STK3: variants seen among roughly 807,000 people sequenced by gnomAD.
The protein encoded by STK3 is serine/threonine-protein kinase 3.
In STK3, 41 loss-of-function variants were observed where a neutral mutation model predicts 58.0. That is an observed-to-expected ratio of 0.71 (90% confidence interval 0.55 to 0.92). The LOEUF (loss-of-function observed/expected upper bound fraction) is 0.92, where lower values mean the gene tolerates loss of function less well. STK3 is among the 40% of genes least tolerant of loss of function. The pLI is 0.00. For missense variants in STK3, 479 were observed against 602.7 expected, an observed-to-expected ratio of 0.79 and a Z score of 2.15; for synonymous variants, 170 against 191.0, an observed-to-expected ratio of 0.89 and a Z score of 0.91.
At chr8:98,459,899 A>G (rs929139845) in intron 10 of STK3, among the ~76,000 whole-genome samples, 2 of 152,208 alleles carry the variant, frequency 1.3e-5, no homozygotes, top group Non-Finnish European at 2.9e-5. Flanking sequence ...TTGCTGCAGG[A>G]GCAGAGCCCT....
intron 3 of STK3, among the ~76,000 whole-genome samples, chr8:98,412,690 A>G (rs1421250435): frequency 2.0e-5 from 3 of 152,170 alleles, no homozygotes; most frequent in Non-Finnish European, 2.9e-5. Context: ...CCGATTTGCA[A>G]TCTCAAGAGA....
At chr8:98,595,860 G>C (rs1408346225) in intron 7 of STK3, 172 bp downstream of exon 7, 11 of 598,938 alleles carry the variant, frequency 1.8e-5, no homozygotes, top group Non-Finnish European at 2.4e-5. Flanking sequence ...AAATGACTCT[G>C]GGGGAAATGA....
At chr8:98,553,614 T>C (rs1484428016) in intron 8 of STK3, among the ~76,000 whole-genome samples, 1 of 152,188 alleles carries the variant, frequency 6.6e-6, no homozygotes, top group East Asian at 1.9e-4. Context: ...TGATCATTTA[T>C]TTAATAATGA....
chr8:98,454,013 T>C (rs1211687177), downstream of STK3, among the ~76,000 whole-genome samples: 1 of 152,250 alleles, frequency 6.6e-6, no homozygotes, highest in African/African-American at 2.4e-5. Flanking sequence ...GTATGTTTCA[T>C]ACTTATCGTT....
intron 9 of STK3, among the ~76,000 whole-genome samples, chr8:98,530,503 C>T (rs559800326): frequency 4.6e-5 from 7 of 152,210 alleles, no homozygotes; most frequent in South Asian, 4.2e-4. Context: ...AAAAAAAGAC[C>T]GAGGCAACAG....
intron 6 of STK3, among the ~76,000 whole-genome samples, chr8:98,664,920 A>T (rs573444123): frequency 6.6e-6 from 1 of 151,966 alleles, no homozygotes; most frequent in Non-Finnish European, 1.5e-5. Context: ...AAAAAAAAGT[A>T]TCTAGGTATA....
At chr8:98,873,805 G>A (rs888962419) in intron 3 of STK3, among the ~76,000 whole-genome samples, 5 of 152,082 alleles carry the variant, frequency 3.3e-5, no homozygotes, top group Non-Finnish European at 5.9e-5. Flanking sequence ...CAGTTTGCCA[G>A]TCTGTGTCTT....
intron 6 of STK3, among the ~76,000 whole-genome samples, chr8:98,672,280 G>T (rs907988541): frequency 6.6e-6 from 1 of 151,742 alleles, no homozygotes; most frequent in Non-Finnish European, 1.5e-5. Flanking sequence ...GGGGTTAGGG[G>T]GTGTGATTGG....
chr8:98,522,775 T>C (rs1586769711), intron 10 of STK3, among the ~76,000 whole-genome samples: 1 of 152,184 alleles, frequency 6.6e-6, no homozygotes. Context: ...TATAGGTAAC[T>C]CATATAAGTA....
chr8:98,799,426 GAGAA>G (rs1184668521), intron 1 of STK3, among the ~76,000 whole-genome samples: 1 of 151,956 alleles, frequency 6.6e-6, no homozygotes, highest in Non-Finnish European at 1.5e-5. Context: ...GGGAGTCACA[GAGAA>G]AGAGAGAGAC....
the STK3 span, among the ~76,000 whole-genome samples, chr8:98,359,099 A>G: frequency 1.3e-5 from 2 of 152,124 alleles, no homozygotes; most frequent in Non-Finnish European, 2.9e-5. Flanking sequence ...GTGAGCTCCC[A>G]GGGGCAAGAA....
intron 10 of STK3, among the ~76,000 whole-genome samples, chr8:98,471,362 T>C (rs569156603): frequency 7.3e-5 from 11 of 151,050 alleles, no homozygotes; most frequent in African/African-American, 1.9e-4. Context: ...CTTTTCTTTT[T>C]TTTTTTTTTT....
At chr8:98,425,626 CAT>C (rs1456408652) in intron 3 of STK3, among the ~76,000 whole-genome samples, 1 of 152,226 alleles carries the variant, frequency 6.6e-6, no homozygotes, top group Non-Finnish European at 1.5e-5. Flanking sequence ...CACCCACACA[CAT>C]GTCCAGAAGC....
intron 4 of STK3, among the ~76,000 whole-genome samples, chr8:98,741,831 T>C (rs1003060906): frequency 6.6e-6 from 1 of 152,074 alleles, no homozygotes; most frequent in Admixed American, 6.5e-5. Context: ...ATTGATAGAC[T>C]GCTAGCAAGA....
chr8:98,410,070 G>A lies in STK3; in HGVS notation n.484-8557C>T, dbSNP rs139440814. 4.8e-3 allele frequency among the ~76,000 whole-genome samples: 723 copies of A among 152,128 alleles called. 10 individuals are homozygous for A. Among genetic ancestry groups the A allele is most frequent in the African/African-American group, 0.017 (691 of 41,498 alleles). ...TTTCTAATTTGGGCTGTTAGAAAAG[G>A]GGAAAAATTAAAAACCAAGGATCTA... On this transcript the variant is annotated intron_variant and non_coding_transcript_variant, in intron 3 of 3. Coordinates refer to the STK3 transcript ENST00000517832.
chr8:98,769,550 C>G (rs892392655), intron 2 of STK3, among the ~76,000 whole-genome samples: 5 of 152,182 alleles, frequency 3.3e-5, no homozygotes, highest in Non-Finnish European at 7.3e-5. Flanking sequence ...CGTAAATTGC[C>G]CAGTCCCAGG....
intron 4 of STK3, among the ~76,000 whole-genome samples, chr8:98,732,262 T>G (rs1267357140): frequency 6.6e-6 from 1 of 152,130 alleles, no homozygotes; most frequent in East Asian, 1.9e-4. Context: ...GTTTATATAT[T>G]AAAAGGAACT....
intron 1 of STK3, among the ~76,000 whole-genome samples, chr8:98,939,338 T>A (rs1430141702): frequency 6.6e-6 from 1 of 151,748 alleles, no homozygotes; most frequent in Non-Finnish European, 1.5e-5. Flanking sequence ...CAGAATCACC[T>A]GGAGGGCTTG....
chr8:98,471,354 T>TTAC (rs1820902687), intron 10 of STK3, among the ~76,000 whole-genome samples: 1 of 149,682 alleles, frequency 6.7e-6, no homozygotes, highest in South Asian at 2.1e-4. Flanking sequence ...TTTTTTTCCT[T>TTAC]TTCTTTTTTT....
Sources: allele counts gnomAD v4.1 joint callset (sites outside exome capture counted in the v4.1 genomes callset), GRCh38; gene constraint gnomAD v4.1.1; transcripts MANE v1.5; gene names NCBI Gene and HGNC (gene_info 2026-07-23, HGNC 2026-07-21).